SIMC1: variants seen among roughly 807,000 people sequenced by gnomAD.
The protein encoded by SIMC1 is SUMO-interacting motif-containing protein 1.
Under a neutral mutation model 82.3 loss-of-function variants are expected in SIMC1, and 55 were observed. The ratio of observed to expected loss-of-function variants is 0.67; its 90% CI spans 0.54 to 0.84. The LOEUF is 0.84. Ranked by LOEUF, SIMC1 falls within the 40% of genes least tolerant of loss-of-function variation. The pLI is 0.00. For synonymous variants in SIMC1, 353 were observed against 426.3 expected (o/e 0.83, Z 2.12); for missense variants, 915 against 1,107.2 (o/e 0.83, Z 2.46).
intron 1 of SIMC1, among the ~76,000 whole-genome samples, chr5:176,250,906 CTT>C (rs1488871104): frequency 1.3e-5 from 2 of 152,164 alleles, no homozygotes; most frequent in Admixed American, 1.3e-4. Context: ...GGTCTTGACT[CTT>C]TATCCAATTT....
In SIMC1 at chr5:176,272,828, C is replaced by T. The variant is rs182141728; in HGVS notation, c.130-16826C>T. Among the ~76,000 whole-genome samples the T allele has an allele frequency of 5.2e-3, 792 of 152,316 alleles. 6 individuals carry two copies. Among genetic ancestry groups the T allele is most frequent in the Non-Finnish European group, 6.1e-3 (418 of 68,032 alleles). On this transcript the variant is annotated intron_variant, in intron 1 of 9. Transcript: ENST00000429602. ...GGAGGGTCCCACACCCATGGAGCCT[C>T]GTTCATTGCTAGCACAGCAGTCTGA...
intron 1 of SIMC1, among the ~76,000 whole-genome samples, chr5:176,269,942 A>G (rs1254133842): frequency 6.6e-6 from 1 of 151,150 alleles, no homozygotes; most frequent in East Asian, 1.9e-4. Flanking sequence ...TTTTTTGTAG[A>G]GACAAGGTCT....
At chr5:176,338,606 T>A (rs1478152803) in intron 9 of SIMC1, among the ~76,000 whole-genome samples, 2 of 152,098 alleles carry the variant, frequency 1.3e-5, no homozygotes, top group Non-Finnish European at 2.9e-5. Flanking sequence ...CATACTGAAG[T>A]ATTGAGGGGT....
At chr5:176,325,461 G>C (rs933500914) in intron 7 of SIMC1, among the ~76,000 whole-genome samples, 1 of 151,826 alleles carries the variant, frequency 6.6e-6, no homozygotes, top group Non-Finnish European at 1.5e-5. Flanking sequence ...CAAGGCGGGC[G>C]GATCACGAGG....
At chr5:176,304,530 C>T (rs1382108691) in intron 4 of SIMC1, 27 of 155,054 alleles carry the variant, frequency 1.7e-4, no homozygotes, top group Non-Finnish European at 3.0e-4. Flanking sequence ...GTGATCTCGG[C>T]TCACTACAAC....
chr5:176,317,415 T>C (rs1191595142), intron 5 of SIMC1, among the ~76,000 whole-genome samples: 1 of 152,216 alleles, frequency 6.6e-6, no homozygotes, highest in African/African-American at 2.4e-5. Flanking sequence ...TTCTCTTTAA[T>C]TGATTTTTTA....
At chr5:176,322,525 A>T (rs1275604222) in intron 6 of SIMC1, 100 bp downstream of exon 6, 11 of 1,332,094 alleles carry the variant, frequency 8.3e-6, no homozygotes, top group East Asian at 2.5e-5. Context: ...AATTAACAAG[A>T]TCTTAGAACA....
intron 1 of SIMC1, among the ~76,000 whole-genome samples, chr5:176,276,203 G>C (rs1384808141): frequency 2.0e-5 from 3 of 151,642 alleles, no homozygotes; most frequent in Non-Finnish European, 4.4e-5. Context: ...AGTCTTAGGA[G>C]GGTGTATTTT....
Position 176,290,271 on chromosome 5 carries a change from C to T in SIMC1, c.747C>T (p.Cys249=). Residue 249 remains cysteine, a synonymous_variant, in exon 2 of 10, where the codon TGC becomes TGT. Coordinates refer to ENST00000429602, the MANE Select transcript of SIMC1 (RefSeq NM_001308195.2). ...CATGCCCACCACGAGCCTTGTCATG[C>T]CCATCACAAACCATGCAGTGCCAAC... The part of the protein sequence containing the change: ...ASSCPPRALS[C]PSQTMQCQLP... 1 of 1,613,838 alleles carries T rather than the reference C, an allele frequency of 6.2e-7. No homozygotes were observed. The highest frequency in any genetic ancestry group is 8.5e-7 in the Non-Finnish European group (1 of 1,179,878).
At chr5:176,282,278 G>T (rs112798367) in intron 1 of SIMC1, among the ~76,000 whole-genome samples, 1 of 152,276 alleles carries the variant, frequency 6.6e-6, no homozygotes, top group East Asian at 1.9e-4. Context: ...TTTTAAGCCC[G>T]TCGGAAAAGC....
At chr5:176,289,535 C>A in intron 1 of SIMC1, 119 bp from the exon 2 acceptor site, 1 of 768,696 alleles carries the variant, frequency 1.3e-6, no homozygotes, top group Non-Finnish European at 2.1e-6. Flanking sequence ...AGATGTGTAA[C>A]TTATCAGTGA....
intron 3 of SIMC1, 28 bp downstream of exon 3, chr5:176,295,290 C>T (rs1014954671): frequency 1.8e-5 from 28 of 1,583,208 alleles, no homozygotes; most frequent in Non-Finnish European, 2.2e-5. Flanking sequence ...TGGCTGTTGG[C>T]GAATCTTCTA....
chr5:176,275,646 C>T (rs1195012271), intron 1 of SIMC1, among the ~76,000 whole-genome samples: 1 of 151,770 alleles, frequency 6.6e-6, no homozygotes, highest in Non-Finnish European at 1.5e-5. Flanking sequence ...AGATACGTCC[C>T]ATCAACACCT....
Position 176,278,743 on chromosome 5 carries a change from G to A in SIMC1, c.130-10911G>A, listed in dbSNP as rs868015964. On this transcript the variant is annotated intron_variant, in intron 1 of 9. Coordinates refer to ENST00000429602, the MANE Select transcript of SIMC1 (RefSeq NM_001308195.2). The stretch of plus-strand genomic sequence containing the variant: ...TTGTCTTTGGCTCTGTTTATATGCT[G>A]GATTACATTTATTGTTTTGCATATA... Among the ~76,000 whole-genome samples the A allele has an allele frequency of 6.9e-5, 9 of 129,544 alleles. No individual in the cohort carries two copies. The South Asian group carries it at 2.5e-3, about 35-fold the overall frequency. The allele number at this position is 129,544 out of a possible 152,430, so 85.0% of individuals were successfully genotyped here.
intron 4 of SIMC1, among the ~76,000 whole-genome samples, chr5:176,309,204 C>A (rs1249022968): frequency 2.0e-5 from 3 of 152,022 alleles, no homozygotes; most frequent in Non-Finnish European, 4.4e-5. Flanking sequence ...GATGAGAGAA[C>A]CCAGAAATAA....
At chr5:176,265,446 G>A (rs558613152) in intron 1 of SIMC1, among the ~76,000 whole-genome samples, 113 of 152,306 alleles carry the variant, frequency 7.4e-4, no homozygotes, top group African/African-American at 2.3e-3. Flanking sequence ...GATAAGCCTC[G>A]GGTCAGCAGT....
rs1324301696 is a variant in SIMC1, at chr5:176,295,027, C to T, written c.1432-3C>T. ...CTAATTTCCTTCTTTTTAATCTCTA[C>T]AGAACAAGGGTCAAAAATTAGAACC... is the stretch of plus-strand genomic sequence containing the variant. On this transcript the variant is annotated splice_region_variant and splice_polypyrimidine_tract_variant and intron_variant, in intron 2 of 9. Transcript: ENST00000429602. 6.3e-7 allele frequency: 1 copy of T among 1,577,534 alleles called. No homozygotes were observed. Among genetic ancestry groups the T allele is most frequent in the East Asian group, 2.3e-5 (1 of 43,148 alleles).
chr5:176,243,571 TAG>T (rs1239082821), intron 1 of SIMC1, among the ~76,000 whole-genome samples: 2 of 151,950 alleles, frequency 1.3e-5, no homozygotes, highest in Admixed American at 6.6e-5. Context: ...GCCCAGGCTG[TAG>T]TGCAGTGGTG....
At chr5:176,302,169 A>G (rs931731864) in intron 4 of SIMC1, among the ~76,000 whole-genome samples, 1 of 152,222 alleles carries the variant, frequency 6.6e-6, no homozygotes, top group African/African-American at 2.4e-5. Flanking sequence ...AATTATTTTC[A>G]AATCTCAGTT....
Sources: allele counts gnomAD v4.1 joint callset (sites outside exome capture counted in the v4.1 genomes callset), GRCh38; gene constraint gnomAD v4.1.1; transcripts MANE v1.5; gene names NCBI Gene and HGNC (gene_info 2026-07-23, HGNC 2026-07-21).